The following GPC6 variants were observed in gnomAD, a reference collection of about 807,000 sequenced individuals.
GPC6 encodes the protein glypican 6, also known as glypican-6.
Under a neutral mutation model 55.2 loss-of-function variants are expected in GPC6, and 14 were observed. The observed-to-expected ratio is 0.25, with a 90% CI of 0.17 to 0.40. The LOEUF (loss-of-function observed/expected upper bound fraction) is 0.40. Ranked by LOEUF, GPC6 falls within the 10% of genes least tolerant of loss-of-function variation. The pLI, the probability that GPC6 is intolerant of heterozygous loss-of-function variation, is 1.00. For missense variants in GPC6, 641 were observed against 708.5 expected (o/e 0.90, Z 1.08); for synonymous variants, 278 against 259.6 (o/e 1.07, Z -0.68).
chr13:93,399,434 C>T (rs889283152), intron 1 of GPC6, among the ~76,000 whole-genome samples: 9 of 152,190 alleles, frequency 5.9e-5, no homozygotes, highest in African/African-American at 9.7e-5. Context: ...TTCATAAATC[C>T]GCCTTGAGTG....
intron 3 of GPC6, among the ~76,000 whole-genome samples, chr13:93,987,986 G>A (rs192678942): frequency 1.3e-5 from 2 of 152,068 alleles, no homozygotes; most frequent in East Asian, 1.9e-4. Flanking sequence ...ACTGCAGAGG[G>A]GTCTTTCTGA....
chr13:93,845,593 A>G (rs1371193406), intron 3 of GPC6, among the ~76,000 whole-genome samples: 2 of 142,888 alleles, frequency 1.4e-5, no homozygotes, highest in Non-Finnish European at 3.0e-5. Flanking sequence ...CAAATGTCCA[A>G]TAATGATAGA....
intron 4 of GPC6, among the ~76,000 whole-genome samples, chr13:94,234,566 T>C (rs1400564254): frequency 4.0e-5 from 6 of 148,494 alleles, no homozygotes; most frequent in Non-Finnish European, 7.4e-5. Flanking sequence ...AAAAAACAAG[T>C]TAATATTATC....
chr13:94,062,362 C>T (rs1240844456), intron 4 of GPC6, among the ~76,000 whole-genome samples: 8 of 151,998 alleles, frequency 5.3e-5, no homozygotes, highest in Non-Finnish European at 1.0e-4. Flanking sequence ...GCAATTCTCC[C>T]GCCTCAGCCT....
chr13:93,754,541 A>C (rs1235184260), intron 2 of GPC6, among the ~76,000 whole-genome samples: 1 of 152,022 alleles, frequency 6.6e-6, no homozygotes, highest in East Asian at 1.9e-4. Context: ...CATTAGGTAA[A>C]GAGCTGTCAA....
At chr13:94,356,945 A>C (rs1032363091) in intron 6 of GPC6, among the ~76,000 whole-genome samples, 2 of 152,146 alleles carry the variant, frequency 1.3e-5, no homozygotes, top group Admixed American at 1.3e-4. Context: ...TTAAAATGGA[A>C]AATGTGTCAT....
intron 4 of GPC6, among the ~76,000 whole-genome samples, chr13:94,250,084 T>G (rs1036982985): frequency 1.3e-5 from 2 of 152,160 alleles, no homozygotes; most frequent in African/African-American, 4.8e-5. Context: ...CATTAATAAA[T>G]GCCAAGCACT....
intron 4 of GPC6, among the ~76,000 whole-genome samples, chr13:94,195,882 A>T (rs759653521): frequency 9.9e-5 from 15 of 152,208 alleles, no homozygotes; most frequent in Non-Finnish European, 2.1e-4. Context: ...ACCAAGGGGA[A>T]CCCACAGTAC....
In GPC6 at chr13:93,837,014, T is replaced by A. The variant is rs892343827; in HGVS notation, c.711+6469T>A. Among the ~76,000 whole-genome samples, 9 of 152,330 alleles carry A rather than the reference T, an allele frequency of 5.9e-5. 3 individuals are homozygous for A. ...AATTTGATTATATTGATTGAAACAA[T>A]TTAAGTTTTTCTCATTAATTTTAAG... On this transcript the variant is annotated intron_variant, in intron 3 of 8. Coordinates refer to ENST00000377047, the MANE Select transcript of GPC6 (RefSeq NM_005708.5).
chr13:93,833,494 G>T (rs1887610321), intron 3 of GPC6, among the ~76,000 whole-genome samples: 1 of 152,040 alleles, frequency 6.6e-6, no homozygotes, highest in African/African-American at 2.4e-5. Flanking sequence ...GATGACAGAA[G>T]AGTTAGAAAA....
At chr13:93,365,246 G>A (rs182258071) in intron 1 of GPC6, among the ~76,000 whole-genome samples, 26 of 152,128 alleles carry the variant, frequency 1.7e-4, no homozygotes, top group East Asian at 1.2e-3. Flanking sequence ...ATATAAGTAC[G>A]TGGCATTTTT....
chr13:93,759,566 CACCTT>C (rs1183517667), intron 2 of GPC6, among the ~76,000 whole-genome samples: 7 of 152,156 alleles, frequency 4.6e-5, no homozygotes, highest in Non-Finnish European at 8.8e-5. Flanking sequence ...TGCCATAACT[CACCTT>C]ACATCGGATT....
At chr13:93,790,741 G>A (rs879585719) in intron 2 of GPC6, among the ~76,000 whole-genome samples, 3 of 152,200 alleles carry the variant, frequency 2.0e-5, no homozygotes, top group Admixed American at 6.5e-5. Context: ...CCTAGTGGAA[G>A]AGACAGCATA....
Position 94,382,534 on chromosome 13 carries a change from G to A in GPC6, c.1273G>A (p.Gly425Arg), listed in dbSNP as rs1463269575. The change falls in exon 7 of 9, where the codon GGG becomes AGG. Residue 425 changes from glycine (G) to arginine (R), a missense_variant. Physicochemically the swap from Gly to Arg is moderately radical, Grantham distance 125. Coordinates refer to ENST00000377047, the MANE Select transcript of GPC6 (RefSeq NM_005708.5). Reference protein sequence around the residue: ...GTSNEEECWNGHSKARYLPEI... With the variant: ...GTSNEEECWNRHSKARYLPEI... ...GTCCAACGAGGAGGAATGCTGGAAC[G>A]GGCACAGCAAAGCCAGGTGAGGGTG... 1.2e-6 allele frequency: 2 copies of A among 1,614,004 alleles called. No homozygotes were observed. The highest frequency in any genetic ancestry group is 1.7e-6 in the Non-Finnish European group (2 of 1,180,004).
chr13:93,228,202 T>C (rs1358149839), intron 1 of GPC6, among the ~76,000 whole-genome samples: 4 of 152,124 alleles, frequency 2.6e-5, no homozygotes, highest in Admixed American at 6.5e-5. Context: ...GCCGGGGACC[T>C]GGCCTCTGGA....
At chr13:93,744,528 C>CTTTTTTTT (rs71736430) in intron 2 of GPC6, among the ~76,000 whole-genome samples, 1,048 of 97,090 alleles carry the variant, frequency 0.011, 167 homozygotes, top group Non-Finnish European at 0.014. Context: ...TTTCCCTAGT[C>CTTTTTTTT]TTTTTTTTTT....
At chr13:94,108,278 A>T (rs9589905) in intron 4 of GPC6, among the ~76,000 whole-genome samples, 6,700 of 152,228 alleles carry the variant, frequency 0.044, 509 homozygotes, top group African/African-American at 0.15. Flanking sequence ...CTAAGTGAAG[A>T]AACTCAGGAA....
At chr13:94,108,609 G>C (rs1886135873) in intron 4 of GPC6, among the ~76,000 whole-genome samples, 1 of 152,140 alleles carries the variant, frequency 6.6e-6, no homozygotes, top group African/African-American at 2.4e-5. Flanking sequence ...GGGAGGCCAA[G>C]GCGGGTGGAT....
intron 3 of GPC6, among the ~76,000 whole-genome samples, chr13:93,886,872 G>A (rs1436681045): frequency 2.0e-5 from 3 of 151,496 alleles, no homozygotes; most frequent in African/African-American, 7.3e-5. Context: ...TGTTAACTGA[G>A]AAGAAGAAAT....
Sources: allele counts gnomAD v4.1 joint callset (sites outside exome capture counted in the v4.1 genomes callset), GRCh38; gene constraint gnomAD v4.1.1; transcripts MANE v1.5; gene names NCBI Gene and HGNC (gene_info 2026-07-23, HGNC 2026-07-21).